Variants in ATAD2 observed in about 807,000 individuals in gnomAD.
ATAD2 encodes the protein ATPase family AAA domain containing 2.
A neutral mutation model predicts 168.9 loss-of-function variants in ATAD2; 62 were observed. The observed-to-expected ratio is 0.37, with a 90% CI of 0.30 to 0.45. The LOEUF (loss-of-function observed/expected upper bound fraction) is 0.45, where lower values mean the gene tolerates loss of function less well. ATAD2 is among the 20% of genes least tolerant of loss of function. The pLI, the probability that ATAD2 is intolerant of heterozygous loss-of-function variation, is 1.00. For synonymous variants in ATAD2, 613 were observed against 571.6 expected, an observed-to-expected ratio of 1.07 and a Z score of -1.03; for missense variants, 1,419 against 1,667.8, an observed-to-expected ratio of 0.85 and a Z score of 2.60.
At position 123,320,475 on chromosome 8, in the gene ATAD2, G is replaced by A. The variant is rs1827436771; in HGVS notation, c.*659C>T. ...AGGTAGTTATTAATACATTTGTTGT[G>A]TATATAATTACAAAAGTAAACCAAG... On this transcript the variant is annotated 3_prime_UTR_variant, in exon 28 of 28. Transcript: ENST00000287394. 1 of 152,172 alleles carries A rather than the reference G, an allele frequency of 6.6e-6. No homozygotes were observed. The highest frequency in any genetic ancestry group is 1.5e-5 in the Non-Finnish European group (1 of 68,050). The allele number at this position is 152,172 out of a possible 1,614,324, so 9.4% of individuals were successfully genotyped here.
At chr8:123,331,524 G>A (rs1827773765) in intron 24 of ATAD2, among the ~76,000 whole-genome samples, 1 of 151,950 alleles carries the variant, frequency 6.6e-6, no homozygotes, top group Non-Finnish European at 1.5e-5. Flanking sequence ...ACAGGCGTGA[G>A]CCACCATGCC....
chr8:123,382,416 G>C (rs931226135), intron 1 of ATAD2, among the ~76,000 whole-genome samples: 2 of 152,110 alleles, frequency 1.3e-5, no homozygotes, highest in African/African-American at 4.8e-5. Flanking sequence ...TTTGAAAAAA[G>C]AATACTTACA....
chr8:123,330,811 T>C (rs1401972704), intron 24 of ATAD2, among the ~76,000 whole-genome samples: 3 of 152,236 alleles, frequency 2.0e-5, no homozygotes, highest in Non-Finnish European at 2.9e-5. Flanking sequence ...TATAGCAATC[T>C]TGCATCCGGA....
chr8:123,372,203 T>A (rs1172229007), intron 3 of ATAD2, among the ~76,000 whole-genome samples: 11 of 152,208 alleles, frequency 7.2e-5, no homozygotes, highest in Non-Finnish European at 1.6e-4. Flanking sequence ...AGTGACCACA[T>A]GGATTCTCAA....
At chr8:123,360,396 C>A (rs1291878626) in intron 9 of ATAD2, among the ~76,000 whole-genome samples, 1 of 152,114 alleles carries the variant, frequency 6.6e-6, no homozygotes, top group East Asian at 1.9e-4. Context: ...GGCTGGAGTG[C>A]AGTGGTGTGA....
intron 17 of ATAD2, 117 bp from the exon 18 acceptor site, chr8:123,346,389 C>A: frequency 9.3e-7 from 1 of 1,071,460 alleles, no homozygotes; most frequent in Non-Finnish European, 1.3e-6. Flanking sequence ...GCCAACCAAT[C>A]ATAACATGGT....
At chr8:123,349,231 T>C (rs1164293106) in intron 14 of ATAD2, 54 bp downstream of exon 14, 2 of 1,549,208 alleles carry the variant, frequency 1.3e-6, no homozygotes, top group East Asian at 2.3e-5. Flanking sequence ...CAAGACTTAT[T>C]ATTAATAAAC....
intron 8 of ATAD2, among the ~76,000 whole-genome samples, chr8:123,362,772 T>C (rs753666169): frequency 2.0e-5 from 3 of 152,064 alleles, no homozygotes; most frequent in South Asian, 4.1e-4. Context: ...CAAAAGGGCA[T>C]CAAGAAAGAC....
At chr8:123,396,073 C>T (rs994365434) in intron 1 of ATAD2, 114 bp downstream of exon 1, 27 of 1,212,892 alleles carry the variant, frequency 2.2e-5, no homozygotes, top group Non-Finnish European at 2.8e-5. Flanking sequence ...ACACTTCTCC[C>T]CCGACAACTG....
intron 25 of ATAD2, among the ~76,000 whole-genome samples, chr8:123,327,934 CAAGTT>C (rs1377644653): frequency 6.6e-6 from 1 of 152,276 alleles, no homozygotes; most frequent in Non-Finnish European, 1.5e-5. Context: ...AACAGGCTGA[CAAGTT>C]AAGTATCTTG....
At position 123,381,276 on chromosome 8, in the gene ATAD2, T is replaced by C. The variant is rs568397685; in HGVS notation, c.172-599A>G. Among the ~76,000 whole-genome samples the C allele has an allele frequency of 2.6e-5, 4 of 152,250 alleles. No homozygotes were observed. The East Asian group carries it at 5.8e-4, about 22-fold the overall frequency. On this transcript the variant is annotated intron_variant, in intron 1 of 27. Coordinates refer to ENST00000287394, the MANE Select transcript of ATAD2 (RefSeq NM_014109.4). Reference sequence around the variant, plus strand: ...ATTTTGGGAGACCTAGGCAGGTGGATTGCTTTGAGCTCACAAGTTCCAGAA... The same window carrying C: ...ATTTTGGGAGACCTAGGCAGGTGGACTGCTTTGAGCTCACAAGTTCCAGAA...
Position 123,361,665 on chromosome 8 carries a change from T to C in ATAD2, c.1050-19A>G, listed in dbSNP as rs753931397. On this transcript the variant is annotated intron_variant, in intron 8 of 27. Transcript: ENST00000287394. ...CCTTCGCCTAAAGTAAAAAACAAAA[T>C]TGAAATCATGATAAGGAAGGGCAGG... The C allele has an allele frequency of 6.3e-6, 10 of 1,576,234 alleles. No individual in the cohort carries two copies. Among genetic ancestry groups the C allele is most frequent in the Non-Finnish European group, 7.0e-6 (8 of 1,148,874 alleles).
chr8:123,395,847 C>T (rs1451008322), intron 1 of ATAD2, among the ~76,000 whole-genome samples: 1 of 152,138 alleles, frequency 6.6e-6, no homozygotes, highest in African/African-American at 2.4e-5. Context: ...AGGGCAGGAG[C>T]CTGGGCGATC....
At chr8:123,343,866 A>C (rs1828145742) in intron 19 of ATAD2, among the ~76,000 whole-genome samples, 1 of 152,234 alleles carries the variant, frequency 6.6e-6, no homozygotes, top group African/African-American at 2.4e-5. Flanking sequence ...CCCTGAGGTG[A>C]TATCTGAGCA....
At chr8:123,334,139 T>A (rs1420658719) in intron 23 of ATAD2, 61 bp downstream of exon 23, 1 of 1,542,858 alleles carries the variant, frequency 6.5e-7, no homozygotes, top group Non-Finnish European at 8.7e-7. Flanking sequence ...CTGAAATTCA[T>A]ATATTCTGAA....
At chr8:123,378,171 T>C (rs1415013469) in intron 2 of ATAD2, among the ~76,000 whole-genome samples, 1 of 152,200 alleles carries the variant, frequency 6.6e-6, no homozygotes, top group African/African-American at 2.4e-5. Context: ...GTCTTACTGA[T>C]GGCACCTCAC....
At chr8:123,406,239 T>TG (rs1415228006) in intron 1 of ATAD2, among the ~76,000 whole-genome samples, 1 of 151,844 alleles carries the variant, frequency 6.6e-6, no homozygotes, top group Non-Finnish European at 1.5e-5. Context: ...TAGTTGGGTG[T>TG]GGTGGCACAT....
intron 1 of ATAD2, among the ~76,000 whole-genome samples, chr8:123,405,326 A>T (rs1813055256): frequency 6.8e-6 from 1 of 147,968 alleles, no homozygotes; most frequent in South Asian, 2.1e-4. Flanking sequence ...GTGCGACCTC[A>T]GCTCACTGCA....
intron 1 of ATAD2, among the ~76,000 whole-genome samples, chr8:123,414,493 G>A (rs1813210466): frequency 6.6e-6 from 1 of 152,160 alleles, no homozygotes; most frequent in Non-Finnish European, 1.5e-5. Context: ...GCACGGTGGT[G>A]CGTGCCTGCA....
Sources: gnomAD v4.1 joint callset for allele counts (sites outside exome capture counted in the v4.1 genomes callset) on GRCh38, gnomAD v4.1.1 for gene constraint, MANE v1.5 for transcripts, NCBI Gene and HGNC (gene_info 2026-07-23, HGNC 2026-07-21) for gene names.